ADGRB3: variants seen among roughly 807,000 people sequenced by gnomAD.
The protein encoded by ADGRB3 is adhesion G protein-coupled receptor B3, also known as brain-specific angiogenesis inhibitor 3.
A neutral mutation model predicts 193.4 loss-of-function variants in ADGRB3; 37 were observed. That is an observed-to-expected ratio of 0.19 (90% CI 0.15 to 0.25). The LOEUF is 0.25. Among genes scored for constraint, ADGRB3 ranks in the 10% least tolerant of loss-of-function variants. The probability of loss-of-function intolerance (pLI) is 1.00; values close to 1 mark genes in which losing one functional copy is unlikely to be tolerated. For missense variants in ADGRB3, 1,637 were observed against 1,852.9 expected (o/e 0.88, Z 2.14); for synonymous variants, 690 against 644.2 (o/e 1.07, Z -1.08).
At chr6:68,748,368 C>T (rs567169735) in intron 3 of ADGRB3, among the ~76,000 whole-genome samples, 43 of 152,202 alleles carry the variant, frequency 2.8e-4, no homozygotes, top group African/African-American at 9.1e-4. Flanking sequence ...GATATAATGG[C>T]GGTACAGGTA....
chr6:69,238,128 G>A (rs1221075878), intron 19 of ADGRB3, among the ~76,000 whole-genome samples: 1 of 152,000 alleles, frequency 6.6e-6, no homozygotes, highest in Admixed American at 6.6e-5. Flanking sequence ...AGAGAAGTTT[G>A]ACAGATTTTT....
intron 13 of ADGRB3, among the ~76,000 whole-genome samples, chr6:69,035,420 A>G (rs1488592484): frequency 6.6e-6 from 1 of 152,112 alleles, no homozygotes; most frequent in Non-Finnish European, 1.5e-5. Flanking sequence ...CAGATCCATA[A>G]ACAAGCCAGG....
intron 3 of ADGRB3, among the ~76,000 whole-genome samples, chr6:68,846,383 C>A (rs1768274800): frequency 6.6e-6 from 1 of 152,192 alleles, no homozygotes; most frequent in South Asian, 2.1e-4. Context: ...AATCTTACTC[C>A]CCAAGATTAT....
intron 15 of ADGRB3, among the ~76,000 whole-genome samples, chr6:69,062,502 G>T (rs12215081): frequency 0.24 from 36,452 of 151,606 alleles, 4,662 homozygotes; most frequent in African/African-American, 0.27. Flanking sequence ...ATTGTAATGT[G>T]TTTTGGGATA....
chr6:69,094,940 A>G (rs947936776), intron 17 of ADGRB3, among the ~76,000 whole-genome samples: 1 of 152,236 alleles, frequency 6.6e-6, no homozygotes, highest in Non-Finnish European at 1.5e-5. Flanking sequence ...CACAAGTTAC[A>G]TCATAACTTT....
intron 8 of ADGRB3, among the ~76,000 whole-genome samples, chr6:68,965,476 T>C (rs912018646): frequency 1.2e-4 from 19 of 152,278 alleles, no homozygotes; most frequent in African/African-American, 4.6e-4. Context: ...ATATCAGCTC[T>C]ATAGTTTAGA....
rs1002070733 is a variant in ADGRB3 at position 68,677,521 on chromosome 6, CTTTTTTTTT to C, written c.757+38098_757+38106del. Among the ~76,000 whole-genome samples, 490 of 120,320 alleles carry C rather than the reference CTTTTTTTTT, an allele frequency of 4.1e-3. 3 individuals carry two copies. Among genetic ancestry groups the C allele is most frequent in the African/African-American group, 0.012 (390 of 32,286 alleles). The allele number at this position is 120,320 out of a possible 152,430, so 78.9% of individuals were successfully genotyped here. On this transcript the variant is annotated intron_variant, in intron 3 of 31. Coordinates refer to ENST00000370598, the MANE Select transcript of ADGRB3 (RefSeq NM_001704.3). The stretch of plus-strand genomic sequence containing the variant: ...ATTTTTTTCTTTTTTTTCTTTTTTT[CTTTTTTTTT>C]TTTTTTTTGACAGGTCTCACTCTGT...
chr6:69,334,393 A>G (rs185911793), intron 24 of ADGRB3, among the ~76,000 whole-genome samples: 2 of 152,350 alleles, frequency 1.3e-5, no homozygotes, highest in African/African-American at 4.8e-5. Flanking sequence ...GGTTTTCAAT[A>G]TAAAAATTTG....
intron 17 of ADGRB3, among the ~76,000 whole-genome samples, chr6:69,112,383 A>C (rs888408134): frequency 1.3e-5 from 2 of 152,180 alleles, no homozygotes; most frequent in Non-Finnish European, 2.9e-5. Context: ...CTATTGACCA[A>C]AACTTAGTCA....
At chr6:69,318,955 G>A (rs541853668) in intron 20 of ADGRB3, among the ~76,000 whole-genome samples, 26 of 150,604 alleles carry the variant, frequency 1.7e-4, no homozygotes, top group African/African-American at 6.3e-4. Flanking sequence ...CAATGGCCAA[G>A]GTTTCGCTGC....
chr6:68,763,394 C>T (rs74613285), intron 3 of ADGRB3, among the ~76,000 whole-genome samples: 4,536 of 152,234 alleles, frequency 0.03, 121 homozygotes, highest in African/African-American at 0.063. Flanking sequence ...CTGGCCACTT[C>T]TTTTAACTGT....
At chr6:69,282,966 G>A (rs1767467141) in intron 20 of ADGRB3, among the ~76,000 whole-genome samples, 1 of 152,096 alleles carries the variant, frequency 6.6e-6, no homozygotes, top group African/African-American at 2.4e-5. Context: ...ATTTGAGCTA[G>A]CATAGACAGG....
intron 3 of ADGRB3, among the ~76,000 whole-genome samples, chr6:68,850,163 G>A (rs528242426): frequency 3.3e-5 from 5 of 151,668 alleles, no homozygotes; most frequent in African/African-American, 1.2e-4. Flanking sequence ...TATATAACTG[G>A]ATTCAGTGTG....
intron 6 of ADGRB3, among the ~76,000 whole-genome samples, chr6:68,951,661 TTTC>T (rs1767923530): frequency 6.6e-6 from 1 of 152,196 alleles, no homozygotes; most frequent in Non-Finnish European, 1.5e-5. Flanking sequence ...AGGGAACTCT[TTTC>T]TGACAGAATG....
At chr6:68,700,421 G>C (rs1765224001) in intron 3 of ADGRB3, among the ~76,000 whole-genome samples, 1 of 151,874 alleles carries the variant, frequency 6.6e-6, no homozygotes, top group African/African-American at 2.4e-5. Context: ...TAAACGGTTG[G>C]AATCAATTTA....
At chr6:69,149,918 GTCTTTC>G (rs1445154329) in intron 17 of ADGRB3, among the ~76,000 whole-genome samples, 1 of 142,500 alleles carries the variant, frequency 7.0e-6, no homozygotes, top group Non-Finnish European at 1.5e-5. Flanking sequence ...CTCTCTGTCT[GTCTTTC>G]TGTGTGTGTG....
At chr6:69,038,104 ATTC>A (rs1475675376) in intron 13 of ADGRB3, among the ~76,000 whole-genome samples, 1 of 152,144 alleles carries the variant, frequency 6.6e-6, no homozygotes, top group African/African-American at 2.4e-5. Context: ...TATAGAATGA[ATTC>A]TTCTGTCTAC....
intron 3 of ADGRB3, among the ~76,000 whole-genome samples, chr6:68,869,064 A>G (rs80225809): frequency 0.012 from 1,782 of 152,244 alleles, 15 homozygotes; most frequent in Non-Finnish European, 0.02. Flanking sequence ...GAAATTAATG[A>G]GTTTAACCTC....
At chr6:68,759,158 T>G (rs1393746618) in intron 3 of ADGRB3, among the ~76,000 whole-genome samples, 1 of 152,162 alleles carries the variant, frequency 6.6e-6, no homozygotes, top group African/African-American at 2.4e-5. Flanking sequence ...TATTAAATTA[T>G]AGAAGACATG....
Sources: gnomAD v4.1 joint callset for allele counts (sites outside exome capture counted in the v4.1 genomes callset) on GRCh38, gnomAD v4.1.1 for gene constraint, MANE v1.5 for transcripts, NCBI Gene and HGNC (gene_info 2026-07-23, HGNC 2026-07-21) for gene names.